PHIP: variants seen among roughly 807,000 people sequenced by gnomAD.
PHIP encodes PH-interacting protein.
In PHIP, 54 loss-of-function variants were observed where a neutral mutation model predicts 236.8. The observed-to-expected ratio is 0.23, with a 90% CI of 0.18 to 0.29. The LOEUF (loss-of-function observed/expected upper bound fraction) is 0.29. Among genes scored for constraint, PHIP ranks in the 10% least tolerant of loss-of-function variants. The pLI is 1.00. For missense variants in PHIP, 1,370 were observed against 2,190.8 expected, an observed-to-expected ratio of 0.63 and a Z score of 7.48; for synonymous variants, 756 against 718.9, an observed-to-expected ratio of 1.05 and a Z score of -0.83.
At chr6:79,017,924 C>T (rs1770912283) in intron 10 of PHIP, among the ~76,000 whole-genome samples, 1 of 151,848 alleles carries the variant, frequency 6.6e-6, no homozygotes, top group Non-Finnish European at 1.5e-5. Context: ...TTTCTGTTGT[C>T]TCATTTCCCA....
At chr6:79,016,003 G>C (rs1156813864) in intron 13 of PHIP, among the ~76,000 whole-genome samples, 6 of 151,836 alleles carry the variant, frequency 4.0e-5, no homozygotes, top group African/African-American at 1.4e-4. Context: ...CCATTAGTAA[G>C]ATGATCTTGC....
intron 18 of PHIP, 50 bp downstream of exon 18, chr6:78,998,204 G>C (rs1769752132): frequency 6.8e-7 from 1 of 1,464,808 alleles, no homozygotes; most frequent in South Asian, 1.1e-5. Context: ...GGGAGATTTA[G>C]GCTGTTTCAA....
intron 24 of PHIP, among the ~76,000 whole-genome samples, chr6:78,974,588 G>C (rs1241183453): frequency 6.6e-6 from 1 of 152,116 alleles, no homozygotes; most frequent in Non-Finnish European, 1.5e-5. Flanking sequence ...GAATCCAGGA[G>C]CTGGTTTTTT....
At chr6:78,985,595 C>G (rs887359434) in intron 21 of PHIP, among the ~76,000 whole-genome samples, 167 bp from the exon 22 acceptor site, 1 of 152,124 alleles carries the variant, frequency 6.6e-6, no homozygotes, top group African/African-American at 2.4e-5. Context: ...AATCCCAACA[C>G]TTTGAGAGGT....
At chr6:78,998,046 A>G (rs1769742406) in intron 18 of PHIP, among the ~76,000 whole-genome samples, 1 of 152,206 alleles carries the variant, frequency 6.6e-6, no homozygotes, top group African/African-American at 2.4e-5. Context: ...AGACATACAC[A>G]TTTAAAAACT....
At chr6:79,013,295 G>A (rs1770683242) in intron 15 of PHIP, among the ~76,000 whole-genome samples, 1 of 151,702 alleles carries the variant, frequency 6.6e-6, no homozygotes, top group Non-Finnish European at 1.5e-5. Context: ...TTAATGAGAT[G>A]AAGGGTGGCT....
intron 4 of PHIP, among the ~76,000 whole-genome samples, chr6:79,061,543 T>C (rs1382399390): frequency 6.6e-6 from 1 of 152,104 alleles, no homozygotes; most frequent in South Asian, 2.1e-4. Flanking sequence ...TTCACAGAAA[T>C]GTAAAACAAT....
intron 28 of PHIP, 57 bp downstream of exon 28, chr6:78,965,888 G>GA (rs899993979): frequency 6.0e-4 from 789 of 1,310,248 alleles, no homozygotes; most frequent in Non-Finnish European, 7.3e-4. Context: ...TTAATAGATG[G>GA]AAAAAAAAAT....
intron 19 of PHIP, among the ~76,000 whole-genome samples, chr6:78,991,307 T>A (rs1386493747): frequency 1.5e-5 from 2 of 137,474 alleles, no homozygotes; most frequent in Non-Finnish European, 3.2e-5. Context: ...AGAAATTGGA[T>A]TTTTTTTTTT....
At chr6:79,046,182 C>T (rs1772475802) in intron 6 of PHIP, among the ~76,000 whole-genome samples, 3 of 152,190 alleles carry the variant, frequency 2.0e-5, no homozygotes, top group Admixed American at 1.3e-4. Context: ...TCTTCCAACA[C>T]ACCAGGTGTG....
chr6:78,975,775 T>C (rs921300517), intron 24 of PHIP, among the ~76,000 whole-genome samples: 1 of 151,684 alleles, frequency 6.6e-6, no homozygotes, highest in Non-Finnish European at 1.5e-5. Flanking sequence ...CCATTCACAA[T>C]TGCTTCAAAG....
chr6:78,970,478 CA>C (rs1767459801), intron 25 of PHIP, among the ~76,000 whole-genome samples: 1 of 152,096 alleles, frequency 6.6e-6, no homozygotes. Flanking sequence ...CTACTGATGA[CA>C]AATCTAGAAA....
intron 19 of PHIP, among the ~76,000 whole-genome samples, chr6:78,991,868 A>G (rs1769271252): frequency 6.6e-6 from 1 of 151,850 alleles, no homozygotes; most frequent in Admixed American, 6.6e-5. Flanking sequence ...TTTTTTTTAA[A>G]TTAAACTTTT....
At chr6:78,974,322 A>C (rs1767874607) in intron 24 of PHIP, among the ~76,000 whole-genome samples, 1 of 151,918 alleles carries the variant, frequency 6.6e-6, no homozygotes, top group Admixed American at 6.6e-5. Context: ...TGTTCTTTGA[A>C]ACCAACGAGA....
At chr6:79,015,588 C>G in intron 14 of PHIP, 42 bp downstream of exon 14, 1 of 1,393,856 alleles carries the variant, frequency 7.2e-7, no homozygotes, top group Non-Finnish European at 9.9e-7. Context: ...ATTCTATAGT[C>G]AGCTTCAGTT....
At chr6:79,013,515 C>A (rs1770693279) in intron 15 of PHIP, among the ~76,000 whole-genome samples, 1 of 151,646 alleles carries the variant, frequency 6.6e-6, no homozygotes, top group African/African-American at 2.4e-5. Context: ...TGTAACCAAT[C>A]CCTCAGCTAA....
intron 4 of PHIP, among the ~76,000 whole-genome samples, chr6:79,063,866 T>C (rs1159555869): frequency 6.6e-6 from 1 of 152,162 alleles, no homozygotes; most frequent in Non-Finnish European, 1.5e-5. Flanking sequence ...GACTCTCTAC[T>C]TGCTTCCTCT....
chr6:78,983,664 T>C (rs1212299676), intron 22 of PHIP, among the ~76,000 whole-genome samples: 1 of 152,150 alleles, frequency 6.6e-6, no homozygotes, highest in Non-Finnish European at 1.5e-5. Flanking sequence ...GGGGAAAGAC[T>C]GTGTTTGCAA....
At chr6:79,024,954 G>C (rs1449730909) in intron 9 of PHIP, among the ~76,000 whole-genome samples, 1 of 152,110 alleles carries the variant, frequency 6.6e-6, no homozygotes, top group Non-Finnish European at 1.5e-5. Context: ...TTAATCCAAA[G>C]ATAATACTAT....
Sources: allele counts gnomAD v4.1 joint callset (sites outside exome capture counted in the v4.1 genomes callset), GRCh38; gene constraint gnomAD v4.1.1; transcripts MANE v1.5; gene names NCBI Gene and HGNC (gene_info 2026-07-23, HGNC 2026-07-21).